PCDHA10: variants seen among roughly 807,000 people sequenced by gnomAD.
PCDHA10 encodes protocadherin alpha 10, also known as protocadherin alpha-10.
Under a neutral mutation model 61.2 loss-of-function variants are expected in PCDHA10, and 45 were observed. The ratio of observed to expected loss-of-function variants is 0.74; its 90% CI spans 0.58 to 0.94. The LOEUF (loss-of-function observed/expected upper bound fraction) is 0.94. Among genes scored for constraint, PCDHA10 ranks in the 40% least tolerant of loss-of-function variants. The probability of loss-of-function intolerance (pLI) is 0.00; values close to 1 mark genes in which losing one functional copy is unlikely to be tolerated. For synonymous variants in PCDHA10, 602 were observed against 548.8 expected (o/e 1.10, Z -1.35); for missense variants, 1,278 against 1,236.2 (o/e 1.03, Z -0.51).
intron 1 of PCDHA10, chr5:140,875,848 A>T: frequency 1.2e-6 from 2 of 1,614,188 alleles, no homozygotes; most frequent in East Asian, 2.2e-5. Context: ...GGTGAAGGAC[A>T]TTAACGACAA....
intron 1 of PCDHA10, chr5:140,877,402 C>T: frequency 6.2e-7 from 1 of 1,613,934 alleles, no homozygotes; most frequent in African/African-American, 1.3e-5. Flanking sequence ...GGACGCTCCG[C>T]GCCACCGCCT....
chr5:140,887,023 A>T (rs561705710), intron 1 of PCDHA10, among the ~76,000 whole-genome samples: 3 of 152,050 alleles, frequency 2.0e-5, no homozygotes, highest in South Asian at 2.1e-4. Flanking sequence ...TGCCTGAAAA[A>T]TTTCTTTAAT....
At chr5:140,876,493 C>G in intron 1 of PCDHA10, 1 of 1,614,008 alleles carries the variant, frequency 6.2e-7, no homozygotes, top group South Asian at 1.1e-5. Flanking sequence ...GGTGGAAGTT[C>G]TGGACGTGAA....
intron 1 of PCDHA10, chr5:140,877,691 T>G: frequency 6.2e-7 from 1 of 1,613,746 alleles, no homozygotes. Context: ...CCCACGCTGG[T>G]GTGCTCCAGC....
intron 1 of PCDHA10, among the ~76,000 whole-genome samples, chr5:140,943,353 G>A (rs2093481887): frequency 6.6e-6 from 1 of 151,602 alleles, no homozygotes; most frequent in Non-Finnish European, 1.5e-5. Flanking sequence ...TGAGAGTAGA[G>A]GAAAGGAGAT....
intron 2 of PCDHA10, among the ~76,000 whole-genome samples, chr5:140,981,637 C>A (rs1229068909): frequency 6.6e-6 from 1 of 152,150 alleles, no homozygotes; most frequent in Non-Finnish European, 1.5e-5. Context: ...TGGACATTTT[C>A]TCTTAGGATC....
chr5:140,869,243 G>A (rs1554162716), intron 1 of PCDHA10: 10 of 1,613,544 alleles, frequency 6.2e-6, no homozygotes, highest in African/African-American at 2.7e-5. Flanking sequence ...TTCGTGGGCC[G>A]CATCGCGCAG....
rs2047281878 is a variant in PCDHA10, at chr5:140,862,273, A to T, written c.2388+3837A>T. On this transcript the variant is annotated intron_variant, in intron 1 of 3. Coordinates refer to ENST00000307360, the MANE Select transcript of PCDHA10 (RefSeq NM_018901.4). ...CCAGAGTTAGCAGTAAGTCACTATC[A>T]TTCCCTGTACAGGAGGACGCTCCAC... The T allele has an allele frequency of 1.2e-5, 3 of 240,916 alleles. No individual in the cohort carries two copies. In the South Asian group the frequency reaches 1.9e-4, roughly 15 times the overall value. 14.9% of individuals were successfully genotyped at this position (240,916 alleles called of 1,614,324 possible).
chr5:140,985,878 T>A (rs891027308), intron 3 of PCDHA10, among the ~76,000 whole-genome samples: 1 of 151,822 alleles, frequency 6.6e-6, no homozygotes, highest in South Asian at 2.1e-4. Flanking sequence ...TAGCTGGGAC[T>A]ACAGGCGCCC....
chr5:140,884,403 T>A, intron 1 of PCDHA10: 1 of 1,613,992 alleles, frequency 6.2e-7, no homozygotes, highest in Middle Eastern at 1.6e-4. Context: ...AGCCTGTTGG[T>A]GCTCACGTTG....
At chr5:140,934,926 G>C (rs1054459840) in intron 1 of PCDHA10, among the ~76,000 whole-genome samples, 1 of 152,116 alleles carries the variant, frequency 6.6e-6, no homozygotes, top group African/African-American at 2.4e-5. Flanking sequence ...TTCACATAAA[G>C]TTACAAAACT....
chr5:140,882,542 C>A, intron 1 of PCDHA10: 5 of 1,614,166 alleles, frequency 3.1e-6, no homozygotes, highest in Non-Finnish European at 3.4e-6. Context: ...TCGGATCGAC[C>A]GCGAGGAGCT....
At chr5:140,968,263 G>A (rs782272055) in intron 1 of PCDHA10, 20 of 1,613,978 alleles carry the variant, frequency 1.2e-5, no homozygotes, top group Middle Eastern at 3.3e-4. Flanking sequence ...CAGATGAAAA[G>A]GAGAATGCAG....
intron 1 of PCDHA10, chr5:140,862,842 G>C: frequency 1.7e-6 from 1 of 572,982 alleles, no homozygotes; most frequent in Non-Finnish European, 3.3e-6. Flanking sequence ...CGGGCATGCC[G>C]CCTCTGAGCA....
chr5:140,926,791 G>A, intron 1 of PCDHA10: 6 of 1,439,200 alleles, frequency 4.2e-6, no homozygotes, highest in East Asian at 2.5e-5. Context: ...GCCGGCAGGA[G>A]CGTGCTCTTC....
At chr5:140,993,462 T>TCACA (rs3836747) in intron 3 of PCDHA10, among the ~76,000 whole-genome samples, 8,584 of 140,952 alleles carry the variant, frequency 0.061, 300 homozygotes, top group Admixed American at 0.12. Flanking sequence ...TCTTTCTTTC[T>TCACA]CACACACACA....
intron 3 of PCDHA10, among the ~76,000 whole-genome samples, chr5:141,005,681 G>A (rs970656529): frequency 2.7e-5 from 3 of 112,616 alleles, no homozygotes; most frequent in African/African-American, 3.6e-5. Flanking sequence ...CAGCCTGGGC[G>A]ACAGAGCGAA....
chr5:140,859,125 T>C (rs2045735975), intron 1 of PCDHA10: 1 of 150,194 alleles, frequency 6.7e-6, no homozygotes, highest in East Asian at 1.9e-4. Flanking sequence ...TATGTTTCTT[T>C]TATTTACATA....
At chr5:140,874,516 G>A (rs1307179066) in intron 1 of PCDHA10, among the ~76,000 whole-genome samples, 4 of 152,210 alleles carry the variant, frequency 2.6e-5, no homozygotes, top group Non-Finnish European at 5.9e-5. Context: ...CTTGACTTTA[G>A]TCAATGAGAT....
Sources: gnomAD v4.1 joint callset for allele counts (sites outside exome capture counted in the v4.1 genomes callset) on GRCh38, gnomAD v4.1.1 for gene constraint, MANE v1.5 for transcripts, NCBI Gene and HGNC (gene_info 2026-07-23, HGNC 2026-07-21) for gene names.